BBS9: variants seen among roughly 807,000 people sequenced by gnomAD.
The protein encoded by BBS9 is protein PTHB1.
BBS9 carries 89 observed loss-of-function variants against 117.7 expected under a neutral mutation model. That is an observed-to-expected ratio of 0.76 (90% CI 0.64 to 0.90). The LOEUF (loss-of-function observed/expected upper bound fraction) is 0.90. Ranked by LOEUF, BBS9 falls within the 40% of genes least tolerant of loss-of-function variation. The pLI is 0.00. For missense variants in BBS9, 982 were observed against 1,042.2 expected (o/e 0.94, Z 0.80); for synonymous variants, 379 against 370.9 (o/e 1.02, Z -0.25).
intron 1 of BBS9, among the ~76,000 whole-genome samples, chr7:33,133,698 C>T (rs1198772208): frequency 6.6e-6 from 1 of 152,134 alleles, no homozygotes; most frequent in East Asian, 1.9e-4. Context: ...ATATATTCAT[C>T]AGCTGATGGA....
At chr7:33,458,866 C>T (rs1839031019) in intron 19 of BBS9, among the ~76,000 whole-genome samples, 1 of 152,140 alleles carries the variant, frequency 6.6e-6, no homozygotes, top group Non-Finnish European at 1.5e-5. Flanking sequence ...ATTCCAGAAA[C>T]TGTAGCACCC....
intron 21 of BBS9, among the ~76,000 whole-genome samples, chr7:33,599,911 GGAGA>G (rs1011883151): frequency 6.6e-6 from 1 of 151,992 alleles, no homozygotes; most frequent in African/African-American, 2.4e-5. Context: ...TGCGCTGGTG[GGAGA>G]GAGAGATTGT....
At chr7:33,242,432 G>A (rs920061787) in intron 5 of BBS9, among the ~76,000 whole-genome samples, 1 of 152,048 alleles carries the variant, frequency 6.6e-6, no homozygotes, top group African/African-American at 2.4e-5. Context: ...TTGAGAGCAG[G>A]AAAACTGAAG....
intron 21 of BBS9, among the ~76,000 whole-genome samples, chr7:33,561,142 T>G (rs151205564): frequency 6.6e-6 from 1 of 152,158 alleles, no homozygotes; most frequent in Non-Finnish European, 1.5e-5. Flanking sequence ...AATCTACCAA[T>G]CTGTGTGATC....
At chr7:33,470,176 T>C (rs1173091198) in intron 19 of BBS9, among the ~76,000 whole-genome samples, 2 of 152,170 alleles carry the variant, frequency 1.3e-5, no homozygotes, top group African/African-American at 4.8e-5. Flanking sequence ...CCAACTGTGG[T>C]ACTACTTTGC....
At chr7:33,382,334 C>A (rs976811633) in intron 17 of BBS9, among the ~76,000 whole-genome samples, 10 of 151,878 alleles carry the variant, frequency 6.6e-5, no homozygotes, top group African/African-American at 9.7e-5. Context: ...ATTGCAGGTA[C>A]CTATAATCCC....
Position 33,388,108 on chromosome 7 carries a change from A to C in BBS9, c.2079A>C (p.Gln693His). Residue 693 changes from glutamine to histidine, a missense_variant, in exon 19 of 23, where the codon CAA becomes CAC. Transcript: ENST00000242067. ...RFKDKTPAPL[Q>H]HLDTLLDGTY... ...AAGATAAAACTCCTGCCCCTCTTCA[A>C]CACCTGGACACCTTGTTAGATGGAA... is the stretch of plus-strand genomic sequence containing the variant. The C allele has an allele frequency of 1.2e-6, 2 of 1,614,182 alleles. No individual in the cohort carries two copies. The highest frequency in any genetic ancestry group is 1.7e-6 in the Non-Finnish European group (2 of 1,180,000).
intron 7 of BBS9, among the ~76,000 whole-genome samples, chr7:33,267,438 C>T (rs1232334195): frequency 6.7e-6 from 1 of 148,972 alleles, no homozygotes; most frequent in Non-Finnish European, 1.5e-5. Flanking sequence ...TTTCCTTTTC[C>T]TCTTTTTCTG....
At chr7:33,146,698 CAAAA>C (rs36056577) in intron 2 of BBS9, among the ~76,000 whole-genome samples, 257 of 81,278 alleles carry the variant, frequency 3.2e-3, no homozygotes, top group Non-Finnish European at 4.0e-3. Context: ...GGCTCCATCT[CAAAA>C]AAAAAAAAAA....
At chr7:33,183,371 C>T (rs7793759) in intron 5 of BBS9, among the ~76,000 whole-genome samples, 2 of 151,590 alleles carry the variant, frequency 1.3e-5, no homozygotes, top group Admixed American at 1.3e-4. Context: ...ACACAATCCA[C>T]GAAGAGGAAA....
At chr7:33,289,767 G>A (rs1362395117) in intron 9 of BBS9, among the ~76,000 whole-genome samples, 1 of 152,258 alleles carries the variant, frequency 6.6e-6, no homozygotes, top group African/African-American at 2.4e-5. Context: ...CTTGGGGCCA[G>A]GTGTGGTGGC....
At chr7:33,184,647 G>A (rs550319052) in intron 5 of BBS9, among the ~76,000 whole-genome samples, 19 of 152,206 alleles carry the variant, frequency 1.2e-4, no homozygotes, top group African/African-American at 4.6e-4. Flanking sequence ...TCGGCCAATG[G>A]GTTCTGCATT....
chr7:33,146,756 T>C (rs1315804537), intron 2 of BBS9, among the ~76,000 whole-genome samples: 1 of 152,052 alleles, frequency 6.6e-6, no homozygotes, highest in East Asian at 1.9e-4. Flanking sequence ...TGTGTACTTT[T>C]TAGAACTTAA....
At chr7:33,619,474 C>T (rs1336204462) in intron 21 of BBS9, among the ~76,000 whole-genome samples, 2 of 152,048 alleles carry the variant, frequency 1.3e-5, no homozygotes, top group East Asian at 1.9e-4. Flanking sequence ...ATAAGAAAAA[C>T]AGCTGACCTG....
chr7:33,198,595 T>G (rs941556923), intron 5 of BBS9, among the ~76,000 whole-genome samples: 2 of 152,004 alleles, frequency 1.3e-5, no homozygotes, highest in African/African-American at 4.8e-5. Context: ...ACAATCTGTC[T>G]GAATTCATTT....
chr7:33,162,244 C>T (rs55847945), intron 4 of BBS9, among the ~76,000 whole-genome samples: 15,052 of 152,160 alleles, frequency 0.099, 816 homozygotes, highest in African/African-American at 0.13. Flanking sequence ...AGGAAGGGAT[C>T]CAGTTTCAGC....
At chr7:33,619,138 C>G (rs1865284807) in intron 21 of BBS9, among the ~76,000 whole-genome samples, 1 of 151,812 alleles carries the variant, frequency 6.6e-6, no homozygotes, top group Non-Finnish European at 1.5e-5. Context: ...TACACATAGC[C>G]TGAAAATGAA....
Position 33,388,024 on chromosome 7 carries a change from C to T in BBS9, c.1995C>T (p.Leu665=). 2 of 1,614,052 alleles carry T rather than the reference C, an allele frequency of 1.2e-6. No individual in the cohort carries two copies. The highest frequency in any genetic ancestry group is 1.7e-6 in the Non-Finnish European group (2 of 1,179,978). ...LRINGEKLEE[L]LSERAVQFRA... ...TAAATGGTGAAAAATTAGAAGAACT[C>T]TTATCTGAGAGAGCTGTACAATTTC... The change falls in exon 19 of 23, where the codon CTC becomes CTT. Residue 665 remains leucine (L), a synonymous_variant. Coordinates refer to ENST00000242067, the MANE Select transcript of BBS9 (RefSeq NM_198428.3).
chr7:33,389,687 T>TA (rs5883400), intron 19 of BBS9, among the ~76,000 whole-genome samples: 1,171 of 91,892 alleles, frequency 0.013, 31 homozygotes, highest in Non-Finnish European at 0.017. Flanking sequence ...AGACTCCATC[T>TA]AAAAAAAAAA....
Sources: gnomAD v4.1 joint callset for allele counts (sites outside exome capture counted in the v4.1 genomes callset) on GRCh38, gnomAD v4.1.1 for gene constraint, MANE v1.5 for transcripts, NCBI Gene and HGNC (gene_info 2026-07-23, HGNC 2026-07-21) for gene names.